Variants in LRMDA observed in about 807,000 individuals in gnomAD.
The protein encoded by LRMDA is leucine-rich melanocyte differentiation-associated protein.
A neutral mutation model predicts 29.8 loss-of-function variants in LRMDA; 18 were observed. That is an observed-to-expected ratio of 0.60 (90% CI 0.42 to 0.90). The LOEUF (loss-of-function observed/expected upper bound fraction) is 0.90, where lower values mean the gene tolerates loss of function less well. LRMDA is among the 40% of genes least tolerant of loss of function. The pLI is 0.00. For synonymous variants in LRMDA, 125 were observed against 109.4 expected (o/e 1.14, Z -0.89); for missense variants, 273 against 273.9 (o/e 1.00, Z 0.02).
At chr10:75,442,876 C>T (rs915009387) in intron 2 of LRMDA, among the ~76,000 whole-genome samples, 1 of 151,836 alleles carries the variant, frequency 6.6e-6, no homozygotes, top group Non-Finnish European at 1.5e-5. Context: ...CCTTCAGTTT[C>T]TTTCATCAAT....
chr10:75,853,319 C>A (rs757802235), intron 2 of LRMDA, among the ~76,000 whole-genome samples: 2 of 152,212 alleles, frequency 1.3e-5, no homozygotes, highest in South Asian at 2.1e-4. Context: ...TACATCCTGG[C>A]CTTGGAAAAT....
At chr10:75,600,488 A>G (rs1328800723) in intron 2 of LRMDA, among the ~76,000 whole-genome samples, 2 of 152,092 alleles carry the variant, frequency 1.3e-5, no homozygotes, top group Admixed American at 6.5e-5. Flanking sequence ...ACCCTATATA[A>G]ACAAGCCTTT....
chr10:75,861,829 G>A (rs540668202), intron 2 of LRMDA, among the ~76,000 whole-genome samples: 2 of 152,288 alleles, frequency 1.3e-5, no homozygotes, highest in East Asian at 3.9e-4. Flanking sequence ...ACATTAGCAT[G>A]TGGGATGCAA....
chr10:76,059,288 G>A (rs942389409), intron 5 of LRMDA, among the ~76,000 whole-genome samples: 4 of 152,178 alleles, frequency 2.6e-5, no homozygotes, highest in Non-Finnish European at 4.4e-5. Context: ...CCCTAGGCTG[G>A]CATGTGCCCC....
chr10:76,245,479 A>G (rs1418577801), intron 5 of LRMDA, among the ~76,000 whole-genome samples: 1 of 152,222 alleles, frequency 6.6e-6, no homozygotes, highest in African/African-American at 2.4e-5. Flanking sequence ...CTCCGAGCAC[A>G]TTCTGATCAA....
chr10:76,296,508 A>G (rs1445654119), intron 5 of LRMDA, among the ~76,000 whole-genome samples: 1 of 152,238 alleles, frequency 6.6e-6, no homozygotes, highest in Non-Finnish European at 1.5e-5. Flanking sequence ...TTAACGGCAT[A>G]ATGTGTTAAT....
intron 5 of LRMDA, among the ~76,000 whole-genome samples, chr10:76,217,676 G>C (rs1394067416): frequency 1.3e-5 from 2 of 152,186 alleles, no homozygotes; most frequent in Admixed American, 6.5e-5. Context: ...CGTTGGGAAA[G>C]GGATATGGGT....
At chr10:75,563,683 G>A (rs1300044795) in intron 2 of LRMDA, among the ~76,000 whole-genome samples, 1 of 152,064 alleles carries the variant, frequency 6.6e-6, no homozygotes, top group Non-Finnish European at 1.5e-5. Context: ...GGTCTTTGAT[G>A]ATGGTGATGT....
intron 5 of LRMDA, among the ~76,000 whole-genome samples, chr10:76,154,798 G>A (rs1850508416): frequency 6.6e-6 from 1 of 152,176 alleles, no homozygotes; most frequent in Non-Finnish European, 1.5e-5. Flanking sequence ...CGGGACTTGT[G>A]CAGTGGCTCC....
In LRMDA at chr10:76,471,733, T is replaced by C. The variant is rs1459117833; in HGVS notation, c.602-85476T>C. Among the ~76,000 whole-genome samples the C allele has an allele frequency of 2.6e-5, 4 of 151,842 alleles. No homozygotes were observed. In the East Asian group the frequency reaches 5.8e-4, roughly 22 times the overall value. ...TGAAAGTAAAAGAATTGAAAAGATG[T>C]ATCATGCAAACAACAACAATAAGAA... On this transcript the variant is annotated intron_variant, in intron 6 of 6. Transcript: ENST00000611255.
At chr10:75,584,164 C>T (rs551196128) in intron 2 of LRMDA, among the ~76,000 whole-genome samples, 3 of 152,156 alleles carry the variant, frequency 2.0e-5, no homozygotes, top group African/African-American at 7.2e-5. Flanking sequence ...CCCCCTGCTC[C>T]CCATAGGCCT....
intron 5 of LRMDA, among the ~76,000 whole-genome samples, chr10:76,136,138 T>C (rs991660772): frequency 6.6e-6 from 1 of 152,214 alleles, no homozygotes; most frequent in Non-Finnish European, 1.5e-5. Flanking sequence ...GGAAAAGGCA[T>C]TTTTATATGA....
chr10:75,723,031 A>C (rs1215340378), intron 2 of LRMDA, among the ~76,000 whole-genome samples: 1 of 152,236 alleles, frequency 6.6e-6, no homozygotes, highest in African/African-American at 2.4e-5. Context: ...TTAGTCTTCT[A>C]TTGAAGGTGT....
chr10:76,426,719 G>A (rs1464969934), intron 6 of LRMDA, among the ~76,000 whole-genome samples: 3 of 152,068 alleles, frequency 2.0e-5, no homozygotes, highest in Non-Finnish European at 2.9e-5. Context: ...TTTCTTCTAG[G>A]GTTTTTATGG....
chr10:75,576,438 G>T (rs1460016885), intron 2 of LRMDA, among the ~76,000 whole-genome samples: 1 of 152,236 alleles, frequency 6.6e-6, no homozygotes, highest in South Asian at 2.1e-4. Flanking sequence ...CAGTTGGGGG[G>T]TGCAGCTTCA....
chr10:75,787,052 G>C (rs10762680), intron 2 of LRMDA, among the ~76,000 whole-genome samples: 66,491 of 152,064 alleles, frequency 0.44, 14,935 homozygotes, highest in South Asian at 0.55. Flanking sequence ...CTGTGCTGTC[G>C]CCAAGGACTT....
At chr10:76,286,047 G>A (rs1840267153) in intron 5 of LRMDA, among the ~76,000 whole-genome samples, 2 of 152,314 alleles carry the variant, frequency 1.3e-5, no homozygotes, top group Non-Finnish European at 2.9e-5. Context: ...AATTGGGGAA[G>A]CAGTGTGGGT....
intron 2 of LRMDA, among the ~76,000 whole-genome samples, chr10:75,698,998 C>T (rs570021337): frequency 1.2e-4 from 19 of 152,120 alleles, no homozygotes; most frequent in African/African-American, 3.6e-4. Context: ...GTCAGGAGCT[C>T]GAGACCAGCT....
intron 5 of LRMDA, among the ~76,000 whole-genome samples, chr10:76,313,042 G>A (rs180810201): frequency 1.3e-5 from 2 of 152,132 alleles, no homozygotes; most frequent in African/African-American, 4.8e-5. Context: ...ACCTTTATTG[G>A]GAAGGGAGGC....
Sources: gnomAD v4.1 joint callset for allele counts (sites outside exome capture counted in the v4.1 genomes callset) on GRCh38, gnomAD v4.1.1 for gene constraint, MANE v1.5 for transcripts, NCBI Gene and HGNC (gene_info 2026-07-23, HGNC 2026-07-21) for gene names.